Variants in TET3 observed in about 807,000 individuals in gnomAD.
TET3 encodes the protein methylcytosine dioxygenase TET3.
A neutral mutation model predicts 141.4 loss-of-function variants in TET3; 19 were observed. The ratio of observed to expected loss-of-function variants is 0.13; its 90% CI spans 0.09 to 0.20. TET3 has a LOEUF of 0.20. Among genes scored for constraint, TET3 ranks in the 10% least tolerant of loss-of-function variants. TET3 has a pLI of 1.00. For synonymous variants in TET3, 1,043 were observed against 980.9 expected (o/e 1.06, Z -1.18); for missense variants, 1,874 against 2,356.9 (o/e 0.80, Z 4.24).
chr2:74,070,501 C>G (rs1270615114), intron 4 of TET3, among the ~76,000 whole-genome samples: 1 of 152,216 alleles, frequency 6.6e-6, no homozygotes, highest in Non-Finnish European at 1.5e-5. Flanking sequence ...GGGGACACAG[C>G]TAGACCATAT....
At position 74,047,583 on chromosome 2, in the gene TET3, G is replaced by A; in HGVS notation, c.1666G>A (p.Ala556Thr). 1 of 1,613,876 alleles carries A rather than the reference G, an allele frequency of 6.2e-7. No individual in the cohort carries two copies. The highest frequency in any genetic ancestry group is 1.1e-5 in the South Asian group (1 of 91,064). Reference protein sequence around the residue: ...TSFPAPSEPSAPGWWPPPSSP... With the variant: ...TSFPAPSEPSTPGWWPPPSSP... ...CTTCCCTGCTCCTTCAGAGCCTTCT[G>A]CTCCTGGCTGGTGGCCCCCACCAAG... Residue 556 changes from alanine to threonine, a missense_variant, in exon 4 of 12, where the codon GCT becomes ACT. Physicochemically the swap from Ala to Thr is moderately conservative, Grantham distance 58 (BLOSUM62 0). This residue lies in a region of TET3 where 484 missense variants were observed against 462.2 expected (regional missense o/e 1.05). Transcript: ENST00000409262.
chr2:73,992,894 C>T (rs1257380413), intron 2 of TET3, among the ~76,000 whole-genome samples: 3 of 152,204 alleles, frequency 2.0e-5, no homozygotes, highest in Non-Finnish European at 4.4e-5. Context: ...CTTTTCAAAG[C>T]AGCTGAGGCA....
chr2:74,129,316 CAAAAAAAAAAAAA>C, the TET3 span, among the ~76,000 whole-genome samples: 8 of 51,292 alleles, frequency 1.6e-4, no homozygotes, highest in East Asian at 5.5e-4. Flanking sequence ...AACTCCGTCT[CAAAAAAAAAAAAA>C]AAAAAAAAAA....
At chr2:74,052,810 C>T (rs1688017320) in intron 4 of TET3, among the ~76,000 whole-genome samples, 1 of 152,130 alleles carries the variant, frequency 6.6e-6, no homozygotes, top group Non-Finnish European at 1.5e-5. Context: ...GCCGAGGTTG[C>T]AGTGAGCTGA....
chr2:74,128,380 TA>T, the TET3 span, among the ~76,000 whole-genome samples: 2 of 152,090 alleles, frequency 1.3e-5, no homozygotes, highest in Admixed American at 1.3e-4. Context: ...TTACCAAAAA[TA>T]AGGAAAATCG....
chr2:74,044,131 C>T (rs1687490180), intron 3 of TET3, among the ~76,000 whole-genome samples: 2 of 152,178 alleles, frequency 1.3e-5, no homozygotes, highest in Admixed American at 6.5e-5. Flanking sequence ...GATCACACCA[C>T]TGCAGGAGTT....
downstream of TET3, among the ~76,000 whole-genome samples, chr2:74,109,661 C>T (rs770558244): frequency 6.6e-6 from 1 of 152,214 alleles, no homozygotes; most frequent in Non-Finnish European, 1.5e-5. Context: ...TGACTACATT[C>T]TTAATTCCAT....
At chr2:74,098,069 T>G (rs1690952352) in intron 10 of TET3, among the ~76,000 whole-genome samples, 1 of 152,176 alleles carries the variant, frequency 6.6e-6, no homozygotes, top group Non-Finnish European at 1.5e-5. Flanking sequence ...GCAAAAAGTT[T>G]TTAAAGAAAT....
rs1687605441 is a variant in TET3, at chr2:74,046,156, A to G, written c.361-122A>G. The G allele has an allele frequency of 1.2e-6, 1 of 837,538 alleles. No homozygotes were observed. Among genetic ancestry groups the G allele is most frequent in the South Asian group, 3.7e-5 (1 of 26,856 alleles). The allele number at this position is 837,538 out of a possible 1,614,324, so 51.9% of individuals were successfully genotyped here. ...ATGAATTGGAGGCTCAAGAAGTACC[A>G]GAGAGAGGATTTGCAAGAAAAGTTG... On this transcript the variant is annotated intron_variant, in intron 3 of 11. Transcript: ENST00000409262. This position sits in a 1 kb window ranked among gnomAD's most constrained non-coding sequence, Gnocchi z 4.3.
rs1409519185 is a variant in TET3, at chr2:74,061,347, G to A, written c.2495-12202G>A. Among the ~76,000 whole-genome samples, 45 of 138,506 alleles carry A rather than the reference G, an allele frequency of 3.2e-4. 1 individual carries two copies. Among genetic ancestry groups the A allele is most frequent in the African/African-American group, 1.1e-3 (40 of 35,934 alleles). 90.9% of individuals were successfully genotyped at this position (138,506 alleles called of 152,430 possible). ...CAGAGGCGCCCCTCACCTCCCGGACGGGGCGGCTGGCCGGGTGGGGGGCTG... is the reference window on the plus strand; with the variant it reads ...CAGAGGCGCCCCTCACCTCCCGGACAGGGCGGCTGGCCGGGTGGGGGGCTG... On this transcript the variant is annotated intron_variant, in intron 4 of 11. Transcript: ENST00000409262.
At chr2:74,056,976 C>T (rs1443519266) in intron 4 of TET3, among the ~76,000 whole-genome samples, 3 of 152,162 alleles carry the variant, frequency 2.0e-5, no homozygotes, top group Non-Finnish European at 4.4e-5. Flanking sequence ...AAGCCATGCT[C>T]TCTGGAAACC....
At chr2:74,075,224 G>A (rs1316455861) in intron 5 of TET3, among the ~76,000 whole-genome samples, 1 of 151,676 alleles carries the variant, frequency 6.6e-6, no homozygotes, top group South Asian at 2.1e-4. Context: ...GCATATGCTT[G>A]CCCATACATA....
Position 74,044,828 on chromosome 2 carries a change from AT to A in TET3, c.361-1448del, listed in dbSNP as rs147732908. On this transcript the variant is annotated intron_variant, in intron 3 of 11. Transcript: ENST00000409262. ...GTATGTGTATCCTGAGAACAAGGGC[AT>A]TCTCTTACATAACCCATTGTCTAAT... Among the ~76,000 whole-genome samples, 32 of 152,344 alleles carry A rather than the reference AT, an allele frequency of 2.1e-4. No individual in the cohort carries two copies. In the East Asian group the frequency reaches 6.2e-3, roughly 29 times the overall value.
intron 2 of TET3, among the ~76,000 whole-genome samples, chr2:73,997,321 T>C (rs1400066990): frequency 2.6e-5 from 4 of 152,182 alleles, no homozygotes; most frequent in African/African-American, 9.7e-5. Context: ...GGTGGCTCTT[T>C]CCTGTCTTAT....
At position 74,088,048 on chromosome 2, in the gene TET3, A is replaced by G. The variant is rs1690257539; in HGVS notation, c.2888+10A>G. 1.3e-6 allele frequency: 2 copies of G among 1,553,712 alleles called. No individual in the cohort carries two copies. Among genetic ancestry groups the G allele is most frequent in the African/African-American group, 1.4e-5 (1 of 73,154 alleles). On this transcript the variant is annotated intron_variant, in intron 7 of 11. Coordinates refer to ENST00000409262, the MANE Select transcript of TET3 (RefSeq NM_001287491.2). The stretch of plus-strand genomic sequence containing the variant: ...GCGGCCTCAACGATGAGTATGTAGC[A>G]GAGGGCTTCAGGGCCAGGGCCCACC...
rs372745867 is a variant in TET3, at chr2:74,016,305, TA to T, written c.360+13155del. ...GCTACAGAGCAAGACCCTGTCTCTT[TA>T]AAAAAAAAAAAAAAATTCAATGGAC... On this transcript the variant is annotated intron_variant, in intron 3 of 11. Coordinates refer to ENST00000409262, the MANE Select transcript of TET3 (RefSeq NM_001287491.2). Among the ~76,000 whole-genome samples, 579 of 139,380 alleles carry T rather than the reference TA, an allele frequency of 4.2e-3. 1 individual carries two copies. The highest frequency in any genetic ancestry group is 6.8e-3 in the African/African-American group (257 of 38,056). 91.4% of individuals were successfully genotyped at this position (139,380 alleles called of 152,430 possible).
chr2:74,088,288 T>C (rs1690271279), intron 7 of TET3, among the ~76,000 whole-genome samples: 1 of 152,168 alleles, frequency 6.6e-6, no homozygotes. Context: ...ACACTGGCAC[T>C]AATGATATTA....
Position 74,105,310 on chromosome 2 carries a change from T to C in TET3, c.*3134T>C, listed in dbSNP as rs1691434217. ...GTGCAGTGCAAACATTTGGTTCCTT[T>C]TCTGCTCTGTTTTGTTTTCCCTGCC... On this transcript the variant is annotated 3_prime_UTR_variant, in exon 12 of 12. Coordinates refer to ENST00000409262, the MANE Select transcript of TET3 (RefSeq NM_001287491.2). 2 of 398,502 alleles carry C rather than the reference T, an allele frequency of 5.0e-6. No homozygotes were observed. The highest frequency in any genetic ancestry group is 8.8e-5 in the Admixed American group (2 of 22,718). The allele number at this position is 398,502 out of a possible 1,614,324, so 24.7% of individuals were successfully genotyped here.
chr2:74,088,941 T>C (rs913779301), intron 7 of TET3, among the ~76,000 whole-genome samples: 5 of 151,808 alleles, frequency 3.3e-5, no homozygotes, highest in African/African-American at 9.7e-5. Context: ...ATTAGCCAGG[T>C]GTGGTGACAC....
Sources: gnomAD v4.1 joint callset for allele counts (sites outside exome capture counted in the v4.1 genomes callset) on GRCh38, gnomAD v4.1.1 for gene constraint, gnomAD v4.1.1 regional missense constraint, Gnocchi (gnomAD v3.1) non-coding constraint, MANE v1.5 for transcripts, NCBI Gene and HGNC (gene_info 2026-07-23, HGNC 2026-07-21) for gene names.